Variants in NXPE2 observed in about 807,000 individuals in gnomAD.
NXPE2 encodes NXPE family member 2.
NXPE2 carries 34 observed loss-of-function variants against 34.4 expected under a neutral mutation model. The ratio of observed to expected loss-of-function variants is 0.99; its 90% confidence interval spans 0.75 to 1.31. The LOEUF (loss-of-function observed/expected upper bound fraction) is 1.31, where lower values mean the gene tolerates loss of function less well. Ranked by LOEUF, NXPE2 falls within the 40% of genes most tolerant of loss-of-function variation. NXPE2 has a pLI of 0.00. For synonymous variants in NXPE2, 235 were observed against 231.3 expected (o/e 1.02, Z -0.15); for missense variants, 649 against 672.5 (o/e 0.97, Z 0.39).
At chr11:114,651,309 G>A in the NXPE2 span, among the ~76,000 whole-genome samples, 1 of 151,966 alleles carries the variant, frequency 6.6e-6, no homozygotes, top group African/African-American at 2.4e-5. Flanking sequence ...TAGGAGTGAA[G>A]CCGCAGACCT....
In NXPE2 at chr11:114,706,491, G is replaced by A; in HGVS notation, c.1241G>A (p.Gly414Asp). The change falls in exon 6 of 6, where the codon GGT becomes GAT. Residue 414 changes from glycine to aspartate, a missense_variant. Gly to Asp is a moderately conservative substitution (Grantham distance 94). Transcript: ENST00000389586. ...ATTTTGATTCAGTGGAAAAAACATGGTCATCCATTTGTTACCAAAAAATTA... is the reference window on the plus strand; with the variant it reads ...ATTTTGATTCAGTGGAAAAAACATGATCATCCATTTGTTACCAAAAAATTA... Reference protein sequence around the residue: ...RHILIQWKKHGHPFVTKKLFS... With the variant: ...RHILIQWKKHDHPFVTKKLFS... The A allele has an allele frequency of 6.4e-7, 1 of 1,551,674 alleles. No individual in the cohort carries two copies. Among genetic ancestry groups the A allele is most frequent in the Non-Finnish European group, 8.7e-7 (1 of 1,146,890 alleles).
chr11:114,522,165 T>TG, the NXPE2 span: 9 of 1,614,044 alleles, frequency 5.6e-6, no homozygotes, highest in Non-Finnish European at 7.6e-6. Context: ...TCTATGTGCA[T>TG]CTCCCTGATG....
At chr11:114,525,696 T>C in the NXPE2 span, among the ~76,000 whole-genome samples, 1 of 152,226 alleles carries the variant, frequency 6.6e-6, no homozygotes, top group Non-Finnish European at 1.5e-5. Flanking sequence ...GTAAAACCTG[T>C]CACTGTTTGA....
chr11:114,568,934 A>G, the NXPE2 span, among the ~76,000 whole-genome samples: 1 of 152,164 alleles, frequency 6.6e-6, no homozygotes, highest in Middle Eastern at 3.2e-3. Context: ...TTTGATGACT[A>G]TATACCTAAA....
the NXPE2 span, among the ~76,000 whole-genome samples, chr11:114,524,922 C>G: frequency 1.3e-5 from 2 of 152,064 alleles, no homozygotes; most frequent in African/African-American, 4.8e-5. Context: ...ATTTTAGATG[C>G]TAATCTGCTA....
intron 3 of NXPE2, 31 bp from the exon 4 acceptor site, chr11:114,703,960 T>C (rs752183069): frequency 6.8e-7 from 1 of 1,476,296 alleles, no homozygotes; most frequent in South Asian, 1.2e-5. Context: ...TGGGCAGATA[T>C]TAAGCTAATT....
chr11:114,645,804 A>C, the NXPE2 span, among the ~76,000 whole-genome samples: 5 of 152,200 alleles, frequency 3.3e-5, no homozygotes, highest in East Asian at 5.8e-4. Flanking sequence ...TGAGAATTCA[A>C]ATCACAGTGA....
At chr11:114,790,511 AATCACGAGGTTTTATC>A in the NXPE2 span, among the ~76,000 whole-genome samples, 9 of 152,188 alleles carry the variant, frequency 5.9e-5, no homozygotes, top group Non-Finnish European at 1.2e-4. Context: ...TCATACTCCC[AATCACGAGGTTTTATC>A]AGCACAAAAC....
At chr11:114,559,326 G>A in the NXPE2 span, among the ~76,000 whole-genome samples, 656 of 152,192 alleles carry the variant, frequency 4.3e-3, 8 homozygotes, top group African/African-American at 0.015. Flanking sequence ...AGACCACAAC[G>A]ATCTCTCCCG....
At chr11:114,496,858 G>A in the NXPE2 span, among the ~76,000 whole-genome samples, 1 of 152,130 alleles carries the variant, frequency 6.6e-6, no homozygotes, top group Non-Finnish European at 1.5e-5. Flanking sequence ...GTAGTGTAAT[G>A]TTACTTACGT....
At chr11:114,766,961 A>G in the NXPE2 span, among the ~76,000 whole-genome samples, 1 of 152,030 alleles carries the variant, frequency 6.6e-6, no homozygotes, top group Non-Finnish European at 1.5e-5. Context: ...TACCCCAGGA[A>G]GAATTACACC....
chr11:114,629,630 T>C, the NXPE2 span, among the ~76,000 whole-genome samples: 1 of 152,058 alleles, frequency 6.6e-6, no homozygotes, highest in Non-Finnish European at 1.5e-5. Flanking sequence ...ATGCCCTCTC[T>C]CACCACTCCT....
the NXPE2 span, among the ~76,000 whole-genome samples, chr11:114,490,255 C>A: frequency 2.6e-5 from 4 of 152,146 alleles, no homozygotes; most frequent in Admixed American, 2.6e-4. Flanking sequence ...TAGGAAGAAT[C>A]AATATCGTGA....
the NXPE2 span, among the ~76,000 whole-genome samples, chr11:114,801,012 T>A: frequency 6.6e-6 from 1 of 151,562 alleles, no homozygotes; most frequent in Admixed American, 6.6e-5. Context: ...TGCGATCTCC[T>A]TTATTTGCAA....
the NXPE2 span, among the ~76,000 whole-genome samples, chr11:114,773,786 G>C: frequency 2.0e-5 from 3 of 152,170 alleles, no homozygotes; most frequent in African/African-American, 7.2e-5. Context: ...GTGGAAGAAG[G>C]GAGAATTTCT....
the NXPE2 span, among the ~76,000 whole-genome samples, chr11:114,568,284 C>T: frequency 3.0e-4 from 45 of 152,114 alleles, no homozygotes; most frequent in African/African-American, 1.1e-3. Context: ...ATATTCTGCC[C>T]CTTTTGCAAG....
chr11:114,749,106 A>G, the NXPE2 span, among the ~76,000 whole-genome samples: 3 of 152,196 alleles, frequency 2.0e-5, no homozygotes, highest in Non-Finnish European at 4.4e-5. Context: ...CCATTTCTCC[A>G]AAGAGTCCTG....
the NXPE2 span, among the ~76,000 whole-genome samples, chr11:114,519,605 T>G: frequency 6.6e-6 from 1 of 152,056 alleles, no homozygotes; most frequent in African/African-American, 2.4e-5. Context: ...TAATTCAATC[T>G]GGTTTTAAAG....
chr11:114,735,946 A>G, the NXPE2 span, among the ~76,000 whole-genome samples: 2 of 152,172 alleles, frequency 1.3e-5, no homozygotes, highest in Admixed American at 6.5e-5. Context: ...ACAGAGTACA[A>G]AAGAGAGAAA....
Sources: gnomAD v4.1 joint callset for allele counts (sites outside exome capture counted in the v4.1 genomes callset) on GRCh38, gnomAD v4.1.1 for gene constraint, MANE v1.5 for transcripts, NCBI Gene and HGNC (gene_info 2026-07-23, HGNC 2026-07-21) for gene names.